Variants in KCNN2 observed in about 807,000 individuals in gnomAD.
KCNN2 encodes the protein small conductance calcium-activated potassium channel protein 2.
In KCNN2, 24 loss-of-function variants were observed where a neutral mutation model predicts 55.5. That is an observed-to-expected ratio of 0.43 (90% CI 0.31 to 0.61). The LOEUF is 0.61. Ranked by LOEUF, KCNN2 falls within the 20% of genes least tolerant of loss-of-function variation. KCNN2 has a pLI of 0.08. For missense variants in KCNN2, 754 were observed against 853.6 expected, an observed-to-expected ratio of 0.88 and a Z score of 1.45; for synonymous variants, 431 against 336.1, an observed-to-expected ratio of 1.28 and a Z score of -3.09.
chr5:114,156,161 T>C (rs1752630138), intron 1 of KCNN2, among the ~76,000 whole-genome samples: 1 of 152,218 alleles, frequency 6.6e-6, no homozygotes, highest in African/African-American at 2.4e-5. Context: ...TTGTTTGTTT[T>C]TGTCAGGTTT....
At chr5:114,179,443 T>G (rs775142558) in intron 1 of KCNN2, among the ~76,000 whole-genome samples, 1 of 152,144 alleles carries the variant, frequency 6.6e-6, no homozygotes, top group Non-Finnish European at 1.5e-5. Flanking sequence ...CCACTTTTCC[T>G]CCTCATTGTG....
At chr5:114,143,951 T>C (rs1272887765) in intron 1 of KCNN2, among the ~76,000 whole-genome samples, 1 of 152,186 alleles carries the variant, frequency 6.6e-6, no homozygotes, top group African/African-American at 2.4e-5. Context: ...GCACAAATTA[T>C]ACACGAACAA....
chr5:114,249,181 CT>C (rs371964816), intron 2 of KCNN2, among the ~76,000 whole-genome samples: 4,546 of 151,050 alleles, frequency 0.03, 230 homozygotes, highest in African/African-American at 0.1. Flanking sequence ...ATTAACATTT[CT>C]TTTTTTTTAG....
chr5:114,300,686 G>C (rs906462102), intron 2 of KCNN2, among the ~76,000 whole-genome samples: 15 of 152,212 alleles, frequency 9.9e-5, no homozygotes, highest in Non-Finnish European at 1.3e-4. Context: ...TATTTTCTCT[G>C]ATGAGCTGCT....
At chr5:114,192,348 G>T (rs1179865911) in intron 1 of KCNN2, among the ~76,000 whole-genome samples, 1 of 152,156 alleles carries the variant, frequency 6.6e-6, no homozygotes, top group Non-Finnish European at 1.5e-5. Flanking sequence ...CTTAGAGTTT[G>T]CTAGTAGAAC....
At chr5:114,190,656 G>A (rs1297128049) in intron 1 of KCNN2, among the ~76,000 whole-genome samples, 1 of 151,966 alleles carries the variant, frequency 6.6e-6, no homozygotes, top group Non-Finnish European at 1.5e-5. Flanking sequence ...TTAGTATATT[G>A]TTTTCTAAAT....
At chr5:114,099,514 G>A (rs939084049) in intron 1 of KCNN2, among the ~76,000 whole-genome samples, 2 of 152,028 alleles carry the variant, frequency 1.3e-5, no homozygotes, top group Non-Finnish European at 2.9e-5. Flanking sequence ...TGCCCAGGGT[G>A]GAATGCATTG....
intron 1 of KCNN2, among the ~76,000 whole-genome samples, chr5:114,080,555 A>G (rs1482152618): frequency 6.6e-6 from 1 of 152,088 alleles, no homozygotes; most frequent in African/African-American, 2.4e-5. Context: ...TTCTATTTTG[A>G]CAAACTCGTT....
intron 2 of KCNN2, among the ~76,000 whole-genome samples, chr5:114,239,966 T>G (rs1365638376): frequency 1.3e-5 from 2 of 152,156 alleles, no homozygotes; most frequent in African/African-American, 4.8e-5. Context: ...AAAAGGTAAT[T>G]CGTATATTAT....
chr5:114,239,504 G>T (rs1284123016), intron 2 of KCNN2, among the ~76,000 whole-genome samples: 1 of 151,928 alleles, frequency 6.6e-6, no homozygotes, highest in Non-Finnish European at 1.5e-5. Context: ...AGCCTAACTG[G>T]GGCAAAGCAG....
intron 2 of KCNN2, among the ~76,000 whole-genome samples, chr5:114,277,885 C>T (rs926189852): frequency 1.3e-5 from 2 of 152,092 alleles, no homozygotes; most frequent in East Asian, 1.9e-4. Context: ...CCCTTGCTGT[C>T]GAGGAGTCGT....
chr5:114,095,511 G>C (rs1023233578), intron 1 of KCNN2, among the ~76,000 whole-genome samples: 1 of 152,166 alleles, frequency 6.6e-6, no homozygotes, highest in African/African-American at 2.4e-5. Flanking sequence ...TGGCATCACA[G>C]TGGAATTACA....
intron 2 of KCNN2, among the ~76,000 whole-genome samples, chr5:114,250,874 G>C (rs1754844946): frequency 6.6e-6 from 1 of 152,192 alleles, no homozygotes. Flanking sequence ...CCCACCCATA[G>C]TGATGAGTAG....
intron 1 of KCNN2, among the ~76,000 whole-genome samples, chr5:114,104,927 G>A (rs902393752): frequency 6.6e-5 from 10 of 152,078 alleles, no homozygotes; most frequent in East Asian, 1.9e-4. Flanking sequence ...TAGTTGTGTC[G>A]CAGGAGCAAA....
At position 114,135,715 on chromosome 5, in the gene KCNN2, G is replaced by A. The variant is rs55634226; in HGVS notation, c.-271+79215G>A. Among the ~76,000 whole-genome samples, 294 of 152,218 alleles carry A rather than the reference G, an allele frequency of 1.9e-3. 2 individuals are homozygous for A. The highest frequency in any genetic ancestry group is 2.8e-3 in the Non-Finnish European group (191 of 68,004). ...GAGGAAATGTCGAATGTTAAATACA[G>A]AAATTAAACAAAAAGAAATCTACTG... On this transcript the variant is annotated intron_variant, in intron 1 of 10. Transcript: ENST00000512097.
chr5:114,393,792 A>C (rs1463475061), intron 2 of KCNN2, among the ~76,000 whole-genome samples: 2 of 151,754 alleles, frequency 1.3e-5, no homozygotes, highest in Admixed American at 1.3e-4. Flanking sequence ...TAAAAAAAAA[A>C]CCCTCAGTAC....
chr5:114,176,533 C>T (rs1017849102), intron 1 of KCNN2, among the ~76,000 whole-genome samples: 3 of 152,124 alleles, frequency 2.0e-5, no homozygotes, highest in African/African-American at 7.2e-5. Flanking sequence ...AAGAAAACAT[C>T]ACAAGAATGA....
At chr5:114,140,541 A>G (rs1231742703) in intron 1 of KCNN2, among the ~76,000 whole-genome samples, 1 of 152,168 alleles carries the variant, frequency 6.6e-6, no homozygotes, top group Non-Finnish European at 1.5e-5. Context: ...TTACCACCTG[A>G]TATTAGATGG....
chr5:114,432,020 G>A (rs1014200344), intron 3 of KCNN2, among the ~76,000 whole-genome samples: 2 of 152,186 alleles, frequency 1.3e-5, no homozygotes, highest in Non-Finnish European at 2.9e-5. Flanking sequence ...TAGTGAATAT[G>A]TGTGCTTAAG....
Sources: gnomAD v4.1 joint callset for allele counts (sites outside exome capture counted in the v4.1 genomes callset) on GRCh38, gnomAD v4.1.1 for gene constraint, MANE v1.5 for transcripts, NCBI Gene and HGNC (gene_info 2026-07-23, HGNC 2026-07-21) for gene names.